THRB: variants seen among roughly 807,000 people sequenced by gnomAD.
THRB encodes the protein nuclear receptor subfamily 1 group A member 2.
In THRB, 12 loss-of-function variants were observed where a neutral mutation model predicts 47.8. The observed-to-expected ratio is 0.25, with a 90% CI of 0.16 to 0.41. THRB has a LOEUF of 0.41. THRB is among the 10% of genes least tolerant of loss of function. The pLI, the probability that THRB is intolerant of heterozygous loss-of-function variation, is 1.00. For missense variants in THRB, 348 were observed against 589.2 expected (o/e 0.59, Z 4.24); for synonymous variants, 218 against 212.2 (o/e 1.03, Z -0.24).
At chr3:24,175,931 G>A (rs1211807387) in intron 5 of THRB, among the ~76,000 whole-genome samples, 1 of 152,118 alleles carries the variant, frequency 6.6e-6, no homozygotes, top group African/African-American at 2.4e-5. Context: ...AGGCCCTCAA[G>A]TTACTATTCT....
chr3:24,215,556 C>G (rs372537843), intron 4 of THRB, among the ~76,000 whole-genome samples: 2 of 152,156 alleles, frequency 1.3e-5, no homozygotes, highest in Non-Finnish European at 2.9e-5. Context: ...ACTTTTTAAA[C>G]AAAAAGATGA....
At chr3:24,495,319 A>G (rs1433107277), upstream of THRB, 3 of 141,800 alleles carry the variant, frequency 2.1e-5, no homozygotes, top group African/African-American at 7.8e-5. Context: ...GCCGCCAGCC[A>G]TCGCCACCGC....
At chr3:24,153,169 G>A (rs954988613) in intron 5 of THRB, among the ~76,000 whole-genome samples, 1 of 152,070 alleles carries the variant, frequency 6.6e-6, no homozygotes, top group African/African-American at 2.4e-5. Flanking sequence ...GATCCACTTT[G>A]GAATCACAGT....
chr3:24,190,074 C>G lies in THRB; in HGVS notation c.283G>C (p.Gly95Arg). Reference sequence around the variant, plus strand: ...AATGGGCTAATAAAAATCTGGTTACCTTTACATTTCTTCTCCTCCGTTTGG... The same window carrying G: ...AATGGGCTAATAAAAATCTGGTTACGTTTACATTTCTTCTCCTCCGTTTGG... Reference protein sequence around the residue: ...TFQTEEKKCKGYIPSYLDKDE... With the variant: ...TFQTEEKKCKRYIPSYLDKDE... The change falls in exon 5 of 11, where the codon GGG becomes CGG. Residue 95 changes from glycine (G) to arginine (R), a missense_variant and splice_region_variant. Physicochemically the swap from Gly to Arg is moderately radical, Grantham distance 125 (BLOSUM62 -2). Around this residue, in one of 5 missense-constraint regions of THRB, gnomAD observed 148 missense variants for 122.3 expected, o/e 1.21. Transcript: ENST00000646209. The G allele has an allele frequency of 6.2e-7, 1 of 1,613,954 alleles. No individual in the cohort carries two copies. Among genetic ancestry groups the G allele is most frequent in the Non-Finnish European group, 8.5e-7 (1 of 1,179,902 alleles).
At chr3:24,278,338 T>C (rs1171227903) in intron 3 of THRB, among the ~76,000 whole-genome samples, 3 of 152,142 alleles carry the variant, frequency 2.0e-5, no homozygotes, top group African/African-American at 4.8e-5. Context: ...ATTTGAACAG[T>C]GTTAAAATTG....
intron 1 of THRB, among the ~76,000 whole-genome samples, chr3:24,351,675 C>T (rs1397414544): frequency 6.8e-6 from 1 of 147,392 alleles, no homozygotes; most frequent in African/African-American, 2.4e-5. Flanking sequence ...CTCAAAGTCA[C>T]ACAGTAAATC....
chr3:24,319,402 A>G (rs2058331903), intron 2 of THRB, among the ~76,000 whole-genome samples: 1 of 152,242 alleles, frequency 6.6e-6, no homozygotes, highest in Non-Finnish European at 1.5e-5. Flanking sequence ...AGAATAAAAT[A>G]CTGACATATG....
chr3:24,144,034 C>A, intron 7 of THRB: 1 of 363,618 alleles, frequency 2.8e-6, no homozygotes, highest in African/African-American at 2.1e-5. Context: ...CCATACTACC[C>A]ACAAGATCAC....
At chr3:24,262,826 C>T (rs1394426266) in intron 3 of THRB, among the ~76,000 whole-genome samples, 1 of 152,150 alleles carries the variant, frequency 6.6e-6, no homozygotes, top group East Asian at 1.9e-4. Flanking sequence ...AGACGGTAAA[C>T]ACCATGAGGA....
intron 4 of THRB, among the ~76,000 whole-genome samples, chr3:24,194,617 C>T (rs550755990): frequency 2.0e-5 from 3 of 152,250 alleles, no homozygotes; most frequent in East Asian, 3.9e-4. Context: ...GGTTTGCATT[C>T]GATGACCATC....
rs114296768 is a variant in THRB at position 24,378,631 on chromosome 3, T to C, written c.-260-41260A>G. 3.8e-3 allele frequency among the ~76,000 whole-genome samples: 578 copies of C among 152,208 alleles called. 5 individuals carry two copies. Among genetic ancestry groups the C allele is most frequent in the African/African-American group, 0.013 (527 of 41,536 alleles). On this transcript the variant is annotated intron_variant, in intron 1 of 10. Coordinates refer to ENST00000646209, the MANE Select transcript of THRB (RefSeq NM_001354712.2). ...TATAGGCCATTGAGCCTTTCCTCTT[T>C]AGAAGGGGAGCAGTTGAGAAAGGCT...
At chr3:24,453,652 C>T (rs1174268885) in intron 1 of THRB, among the ~76,000 whole-genome samples, 1 of 152,200 alleles carries the variant, frequency 6.6e-6, no homozygotes, top group African/African-American at 2.4e-5. Flanking sequence ...GCCATTTCCG[C>T]TGCTAAAATC....
At chr3:24,224,493 T>C (rs2047460797) in intron 4 of THRB, among the ~76,000 whole-genome samples, 1 of 152,064 alleles carries the variant, frequency 6.6e-6, no homozygotes, top group Middle Eastern at 3.2e-3. Context: ...TCTACGTAGG[T>C]TGTAGGACAT....
chr3:24,238,668 A>G (rs73039623), intron 3 of THRB, among the ~76,000 whole-genome samples: 52,203 of 151,956 alleles, frequency 0.34, 9,044 homozygotes, highest in East Asian at 0.54. Context: ...AGTGTCTCTC[A>G]GTCTGAGCCA....
intron 10 of THRB, among the ~76,000 whole-genome samples, chr3:24,127,046 G>T (rs180791054): frequency 6.6e-6 from 1 of 152,202 alleles, no homozygotes; most frequent in Non-Finnish European, 1.5e-5. Context: ...TTTTGGGTCG[G>T]TGTGCTATTT....
At chr3:24,472,515 A>G (rs1478153228) in intron 1 of THRB, among the ~76,000 whole-genome samples, 1 of 152,236 alleles carries the variant, frequency 6.6e-6, no homozygotes, top group African/African-American at 2.4e-5. Flanking sequence ...GGGCTTTTAC[A>G]CAAAGCCAAT....
intron 4 of THRB, among the ~76,000 whole-genome samples, chr3:24,205,049 G>A (rs1158064501): frequency 1.3e-5 from 2 of 152,108 alleles, no homozygotes; most frequent in African/African-American, 4.8e-5. Context: ...AAAGTGATGG[G>A]GAGAATGGAA....
chr3:24,303,790 G>A (rs1292459562), intron 2 of THRB, among the ~76,000 whole-genome samples: 2 of 152,182 alleles, frequency 1.3e-5, no homozygotes, highest in South Asian at 2.1e-4. Context: ...AGGATACACC[G>A]ACTAAGTTTT....
chr3:24,231,491 A>G (rs1196542042), intron 3 of THRB, among the ~76,000 whole-genome samples: 1 of 152,114 alleles, frequency 6.6e-6, no homozygotes, highest in Non-Finnish European at 1.5e-5. Context: ...CTATAGTACA[A>G]TTTAGTACTT....
Sources: gnomAD v4.1 joint callset for allele counts (sites outside exome capture counted in the v4.1 genomes callset) on GRCh38, gnomAD v4.1.1 for gene constraint, gnomAD v4.1.1 regional missense constraint, MANE v1.5 for transcripts, NCBI Gene and HGNC (gene_info 2026-07-23, HGNC 2026-07-21) for gene names.